Variants in GTF2A1L observed in about 807,000 individuals in gnomAD.
GTF2A1L encodes TFIIA-alpha and beta-like factor.
In GTF2A1L, 48 loss-of-function variants were observed where a neutral mutation model predicts 49.7. That is an observed-to-expected ratio of 0.97 (90% confidence interval 0.77 to 1.23). The LOEUF is 1.23. Ranked by LOEUF, GTF2A1L falls within the 50% of genes most tolerant of loss-of-function variation. The pLI, the probability that GTF2A1L is intolerant of heterozygous loss-of-function variation, is 0.00. For missense variants in GTF2A1L, 736 were observed against 564.8 expected (o/e 1.30, Z -3.07); for synonymous variants, 246 against 193.5 (o/e 1.27, Z -2.25).
chr2:48,668,264 C>G (rs143131268), intron 6 of GTF2A1L, among the ~76,000 whole-genome samples: 1 of 152,230 alleles, frequency 6.6e-6, no homozygotes, highest in African/African-American at 2.4e-5. Context: ...AGTCTTAAAG[C>G]TAATGTAACC....
At chr2:48,626,012 G>A (rs767733069) in intron 3 of GTF2A1L, among the ~76,000 whole-genome samples, 2 of 144,140 alleles carry the variant, frequency 1.4e-5, no homozygotes, top group Non-Finnish European at 3.1e-5. Context: ...CTTATGGTTA[G>A]GTCTTTTGTC....
At chr2:48,660,415 G>T (rs1678425014) in intron 6 of GTF2A1L, among the ~76,000 whole-genome samples, 2 of 152,036 alleles carry the variant, frequency 1.3e-5, no homozygotes, top group South Asian at 2.1e-4. Context: ...ATTTTTCTTT[G>T]TAGGTAGGGT....
In GTF2A1L at chr2:48,679,532, C is replaced by G. The variant is rs1271886056; in HGVS notation, c.*90C>G. On this transcript the variant is annotated 3_prime_UTR_variant, in exon 9 of 9. Coordinates refer to ENST00000403751, the MANE Select transcript of GTF2A1L (RefSeq NM_006872.5). ...CATTTTTATTTTGAATATAGTCCAG[C>G]ACAGAGCTGTTCAAATTTTTAGTTC... is the stretch of plus-strand genomic sequence containing the variant. The G allele has an allele frequency of 2.6e-6, 4 of 1,524,752 alleles. No homozygotes were observed. Among genetic ancestry groups the G allele is most frequent in the Admixed American group, 4.9e-5 (2 of 40,632 alleles). The allele number at this position is 1,524,752 out of a possible 1,614,324, so 94.5% of individuals were successfully genotyped here.
rs997472811 is a variant in GTF2A1L at position 48,630,106 on chromosome 2, G to T, written c.247+8816G>T. Among the ~76,000 whole-genome samples, 20 of 144,224 alleles carry T rather than the reference G, an allele frequency of 1.4e-4. 3 individuals are homozygous for T. The highest frequency in any genetic ancestry group is 9.8e-4 in the Admixed American group (14 of 14,232). The allele number at this position is 144,224 out of a possible 152,430, so 94.6% of individuals were successfully genotyped here. ...ATTGTTTTGGCTGTTCAGGCTCCTT[G>T]TTGGTTCCATATGAATTTTAGAACA... On this transcript the variant is annotated intron_variant, in intron 3 of 8. Transcript: ENST00000403751.
rs780103192 is a variant in GTF2A1L at position 48,669,904 on chromosome 2, A to G, written c.1161A>G (p.Glu387=). The G allele has an allele frequency of 1.3e-5, 21 of 1,614,004 alleles. No individual in the cohort carries two copies. The highest frequency in any genetic ancestry group is 1.7e-5 in the Non-Finnish European group (20 of 1,180,022). The part of the protein sequence containing the change: ...DGGDLKVPEE[E]ADSISNEDSA... ...GAGATCTGAAGGTACCTGAAGAAGA[A>G]GCTGACAGTATTTCAAATGAGGATT... Residue 387 remains glutamate (E), a synonymous_variant, in exon 7 of 9, where the codon GAA becomes GAG. Transcript: ENST00000403751.
At chr2:48,619,803 A>G (rs1572687996) in intron 1 of GTF2A1L, among the ~76,000 whole-genome samples, 2 of 152,156 alleles carry the variant, frequency 1.3e-5, no homozygotes, top group African/African-American at 2.4e-5. Flanking sequence ...TTTTGTTGCT[A>G]TAACTAGTGT....
chr2:48,670,121 G>C, intron 7 of GTF2A1L, 139 bp downstream of exon 7: 6 of 1,288,080 alleles, frequency 4.7e-6, no homozygotes, highest in South Asian at 1.8e-5. Flanking sequence ...GGCCGGGCAC[G>C]GTGGCTCACA....
In GTF2A1L at chr2:48,675,020, G is replaced by T. The variant is rs188491978; in HGVS notation, c.1329+3340G>T. Among the ~76,000 whole-genome samples the T allele has an allele frequency of 1.1e-4, 16 of 152,274 alleles. No homozygotes were observed. The East Asian group carries it at 1.3e-3, about 13-fold the overall frequency. ...ATGTATCTAAAGGTCAAAGTGGGGT[G>T]AGGAACACTGTTATAGTGAATCTTT... On this transcript the variant is annotated intron_variant, in intron 8 of 8. Coordinates refer to ENST00000403751, the MANE Select transcript of GTF2A1L (RefSeq NM_006872.5).
chr2:48,643,154 G>T (rs966706027), intron 4 of GTF2A1L, among the ~76,000 whole-genome samples: 2 of 152,042 alleles, frequency 1.3e-5, no homozygotes, highest in African/African-American at 4.8e-5. Flanking sequence ...CAACATCATA[G>T]TTTTGACTTT....
intron 6 of GTF2A1L, among the ~76,000 whole-genome samples, chr2:48,651,277 T>C (rs1216634043): frequency 6.6e-6 from 1 of 152,154 alleles, no homozygotes; most frequent in Non-Finnish European, 1.5e-5. Context: ...ATTGTTGACA[T>C]TTCTTTCACG....
intron 6 of GTF2A1L, among the ~76,000 whole-genome samples, chr2:48,653,969 G>A (rs554109156): frequency 2.7e-5 from 4 of 147,600 alleles, no homozygotes; most frequent in African/African-American, 1.0e-4. Context: ...ACATTTATAT[G>A]TAGATTTTAT....
intron 6 of GTF2A1L, among the ~76,000 whole-genome samples, chr2:48,668,846 A>G (rs1440886001): frequency 6.6e-6 from 1 of 151,908 alleles, no homozygotes; most frequent in Non-Finnish European, 1.5e-5. Flanking sequence ...AAAAATAAAT[A>G]AATAAATAAA....
intron 6 of GTF2A1L, among the ~76,000 whole-genome samples, chr2:48,662,741 C>G (rs1191514196): frequency 1.3e-5 from 2 of 150,518 alleles, no homozygotes; most frequent in African/African-American, 2.4e-5. Context: ...TGCCAAAACA[C>G]TTACTGGGGA....
chr2:48,664,882 T>C (rs1328957209), intron 6 of GTF2A1L, among the ~76,000 whole-genome samples: 1 of 152,082 alleles, frequency 6.6e-6, no homozygotes, highest in Non-Finnish European at 1.5e-5. Context: ...CTCTCTCTCT[T>C]TCTCTCTCTG....
intron 8 of GTF2A1L, among the ~76,000 whole-genome samples, chr2:48,672,736 C>T (rs939920104): frequency 6.6e-6 from 1 of 152,060 alleles, no homozygotes; most frequent in Non-Finnish European, 1.5e-5. Flanking sequence ...AGTTTTTGTC[C>T]TTAATTCATG....
At position 48,673,719 on chromosome 2, in the gene GTF2A1L, C is replaced by T. The variant is rs553994807; in HGVS notation, c.1329+2039C>T. Reference sequence around the variant, plus strand: ...AAACTATTTTTCTGGACAGTCATACCGAAGTATGATAGGAGGAAAAAAGGA... The same window carrying T: ...AAACTATTTTTCTGGACAGTCATACTGAAGTATGATAGGAGGAAAAAAGGA... On this transcript the variant is annotated intron_variant, in intron 8 of 8. Coordinates refer to ENST00000403751, the MANE Select transcript of GTF2A1L (RefSeq NM_006872.5). Among the ~76,000 whole-genome samples, 13 of 151,880 alleles carry T rather than the reference C, an allele frequency of 8.6e-5. No individual in the cohort carries two copies. The South Asian group carries it at 1.7e-3, about 20-fold the overall frequency.
At chr2:48,619,000 T>G (rs1031328531) in intron 1 of GTF2A1L, among the ~76,000 whole-genome samples, 3 of 152,232 alleles carry the variant, frequency 2.0e-5, no homozygotes, top group African/African-American at 7.2e-5. Flanking sequence ...CACTGAAGCA[T>G]CAATTTAGTA....
chr2:48,645,008 T>G, intron 4 of GTF2A1L, 25 bp from the exon 5 acceptor site: 1 of 1,578,394 alleles, frequency 6.3e-7, no homozygotes, highest in Non-Finnish European at 8.6e-7. Flanking sequence ...TTTCTAACTT[T>G]CTAATATAAA....
intron 7 of GTF2A1L, 28 bp downstream of exon 7, chr2:48,670,010 C>G (rs747235745): frequency 6.3e-7 from 1 of 1,575,000 alleles, no homozygotes; most frequent in Non-Finnish European, 8.6e-7. Context: ...GCTGAGACTT[C>G]CTTTATTAAT....
Sources: gnomAD v4.1 joint callset for allele counts (sites outside exome capture counted in the v4.1 genomes callset) on GRCh38, gnomAD v4.1.1 for gene constraint, MANE v1.5 for transcripts, NCBI Gene and HGNC (gene_info 2026-07-23, HGNC 2026-07-21) for gene names.